DLG2: variants seen among roughly 807,000 people sequenced by gnomAD.
DLG2 encodes discs large MAGUK scaffold protein 2, also known as disks large homolog 2.
A neutral mutation model predicts 132.5 loss-of-function variants in DLG2; 45 were observed. The ratio of observed to expected loss-of-function variants is 0.34; its 90% CI spans 0.27 to 0.44. The LOEUF (loss-of-function observed/expected upper bound fraction) is 0.44. Among genes scored for constraint, DLG2 ranks in the 20% least tolerant of loss-of-function variants. The pLI, the probability that DLG2 is intolerant of heterozygous loss-of-function variation, is 1.00. For missense variants in DLG2, 1,045 were observed against 1,196.9 expected (o/e 0.87, Z 1.87); for synonymous variants, 424 against 419.6 (o/e 1.01, Z -0.13).
At chr11:84,858,684 T>C (rs2083128738) in intron 6 of DLG2, among the ~76,000 whole-genome samples, 1 of 152,042 alleles carries the variant, frequency 6.6e-6, no homozygotes, top group African/African-American at 2.4e-5. Flanking sequence ...CTCAATTACT[T>C]GAGACAAGTA....
chr11:84,594,358 C>T (rs181095226), intron 6 of DLG2, among the ~76,000 whole-genome samples: 1 of 152,304 alleles, frequency 6.6e-6, no homozygotes, highest in African/African-American at 2.4e-5. Flanking sequence ...CATGCCTCAA[C>T]ATTTATTGAG....
At position 84,279,230 on chromosome 11, in the gene DLG2, G is replaced by C. The variant is rs185950233; in HGVS notation, c.520-27939C>G. Among the ~76,000 whole-genome samples, 344 of 152,172 alleles carry C rather than the reference G, an allele frequency of 2.3e-3. 2 individuals carry two copies. The highest frequency in any genetic ancestry group is 8.0e-3 in the African/African-American group (332 of 41,500). On this transcript the variant is annotated intron_variant, in intron 7 of 27. Coordinates refer to ENST00000376104, the MANE Select transcript of DLG2 (RefSeq NM_001142699.3). The stretch of plus-strand genomic sequence containing the variant: ...CATATGAAAAAAGCTCATCATCACT[G>C]GTCATTAGAGAAATGCAAATCAAAA...
At chr11:84,729,384 G>A (rs901520852) in intron 6 of DLG2, among the ~76,000 whole-genome samples, 5 of 152,050 alleles carry the variant, frequency 3.3e-5, no homozygotes, top group African/African-American at 1.2e-4. Flanking sequence ...GTAGTTGTGT[G>A]GTTTTGAGTG....
At chr11:85,026,621 A>G (rs2154142539) in intron 6 of DLG2, among the ~76,000 whole-genome samples, 1 of 152,244 alleles carries the variant, frequency 6.6e-6, no homozygotes, top group Middle Eastern at 3.4e-3. Flanking sequence ...GAGGATCACA[A>G]GGTCAGGAGA....
chr11:83,854,493 T>C (rs940330187), intron 16 of DLG2, among the ~76,000 whole-genome samples: 1 of 152,118 alleles, frequency 6.6e-6, no homozygotes, highest in Non-Finnish European at 1.5e-5. Flanking sequence ...AGTATGGTAT[T>C]GGTGAAAGAG....
intron 21 of DLG2, among the ~76,000 whole-genome samples, chr11:83,491,720 C>T (rs1209520876): frequency 6.6e-6 from 1 of 152,014 alleles, no homozygotes. Flanking sequence ...AAGACATCTA[C>T]AGCATCACTT....
chr11:84,948,821 G>T (rs930752784), intron 6 of DLG2, among the ~76,000 whole-genome samples: 22 of 152,102 alleles, frequency 1.4e-4, no homozygotes, highest in Non-Finnish European at 2.6e-4. Flanking sequence ...ATTTCTCTGA[G>T]CCTCAATGTT....
chr11:84,449,839 A>G (rs1431064258), intron 7 of DLG2, among the ~76,000 whole-genome samples: 2 of 152,108 alleles, frequency 1.3e-5, no homozygotes, highest in East Asian at 3.9e-4. Flanking sequence ...CACAATAAAA[A>G]TAAAATACTA....
chr11:84,133,434 T>C (rs528714037), intron 9 of DLG2, among the ~76,000 whole-genome samples: 32 of 152,160 alleles, frequency 2.1e-4, no homozygotes, highest in Admixed American at 1.8e-3. Flanking sequence ...AGGAGGTTTG[T>C]ACCTGCTAAA....
chr11:83,697,934 T>G (rs1243257626), intron 18 of DLG2, among the ~76,000 whole-genome samples: 1 of 152,184 alleles, frequency 6.6e-6, no homozygotes, highest in Non-Finnish European at 1.5e-5. Context: ...TGGCTCATGG[T>G]CTCTGAACCT....
At chr11:83,734,389 TTCCTTCCTTCCTTCCTTCCC>T in intron 18 of DLG2, among the ~76,000 whole-genome samples, 1 of 132,272 alleles carries the variant, frequency 7.6e-6, no homozygotes, top group African/African-American at 3.1e-5. Context: ...CCTTCCTTCC[TTCCTTCCTTCCTTCCTTCCC>T]TCCCTCCTTC....
At chr11:85,501,722 C>A (rs2093808640) in intron 3 of DLG2, among the ~76,000 whole-genome samples, 1 of 151,946 alleles carries the variant, frequency 6.6e-6, no homozygotes, top group South Asian at 2.1e-4. Flanking sequence ...CAATTAGATA[C>A]CATCTCACAC....
chr11:84,778,202 G>A (rs2071049651), intron 6 of DLG2, among the ~76,000 whole-genome samples: 1 of 151,908 alleles, frequency 6.6e-6, no homozygotes, highest in South Asian at 2.1e-4. Flanking sequence ...ACCATTTATT[G>A]AAAAGAGTAT....
chr11:85,458,470 T>C (rs1352507359), intron 3 of DLG2, among the ~76,000 whole-genome samples: 1 of 152,212 alleles, frequency 6.6e-6, no homozygotes, highest in Non-Finnish European at 1.5e-5. Flanking sequence ...GAATACCTGC[T>C]GGGGAACTAG....
At chr11:84,525,665 A>G (rs2099318087) in intron 7 of DLG2, among the ~76,000 whole-genome samples, 1 of 152,110 alleles carries the variant, frequency 6.6e-6, no homozygotes, top group African/African-American at 2.4e-5. Context: ...ATATCAGGTC[A>G]TGTCATTCTC....
At chr11:83,714,405 T>C (rs1592956320) in intron 18 of DLG2, among the ~76,000 whole-genome samples, 2 of 152,192 alleles carry the variant, frequency 1.3e-5, no homozygotes, top group African/African-American at 2.4e-5. Context: ...TGACTCCATA[T>C]GGTAGATAGT....
At chr11:85,359,637 G>C (rs1311704758) in intron 3 of DLG2, among the ~76,000 whole-genome samples, 1 of 152,118 alleles carries the variant, frequency 6.6e-6, no homozygotes, top group African/African-American at 2.4e-5. Context: ...GTTTAACATG[G>C]TTGTAATTAT....
At chr11:84,311,244 T>C (rs1391058493) in intron 7 of DLG2, among the ~76,000 whole-genome samples, 1 of 152,160 alleles carries the variant, frequency 6.6e-6, no homozygotes, top group Non-Finnish European at 1.5e-5. Context: ...GAGCACAATA[T>C]GAATGATGAA....
intron 10 of DLG2, among the ~76,000 whole-genome samples, chr11:84,080,802 G>A (rs111482109): frequency 0.085 from 12,915 of 151,946 alleles, 608 homozygotes; most frequent in Non-Finnish European, 0.1. Flanking sequence ...GACCAGCCTG[G>A]CCAACAAGGT....
Sources: gnomAD v4.1 joint callset for allele counts (sites outside exome capture counted in the v4.1 genomes callset) on GRCh38, gnomAD v4.1.1 for gene constraint, MANE v1.5 for transcripts, NCBI Gene and HGNC (gene_info 2026-07-23, HGNC 2026-07-21) for gene names.